Variants in PLXND1 observed in about 807,000 individuals in gnomAD.
The protein encoded by PLXND1 is plexin D1.
Under a neutral mutation model 197.7 loss-of-function variants are expected in PLXND1, and 54 were observed. The observed-to-expected ratio is 0.27, with a 90% CI of 0.22 to 0.34. The LOEUF is 0.34. Among genes scored for constraint, PLXND1 ranks in the 10% least tolerant of loss-of-function variants. PLXND1 has a pLI of 1.00. For missense variants in PLXND1, 2,127 were observed against 2,699.2 expected (o/e 0.79, Z 4.70); for synonymous variants, 1,180 against 1,161.2 (o/e 1.02, Z -0.33).
chr3:129,584,240 T>C lies in PLXND1; in HGVS notation c.2030-7A>G, dbSNP rs373336020. On this transcript the variant is annotated splice_region_variant and splice_polypyrimidine_tract_variant and intron_variant, in intron 6 of 35. Transcript: ENST00000324093. ...ATCTCAACAGTCACGTGGTCTGGAA[T>C]GGATGGGGGAGCCAGGGGAGGACAT... The C allele has an allele frequency of 5.0e-6, 8 of 1,599,752 alleles. No homozygotes were observed. The highest frequency in any genetic ancestry group is 6.8e-6 in the Non-Finnish European group (8 of 1,171,596).
At chr3:129,575,618 G>T in intron 10 of PLXND1, 56 bp from the exon 11 acceptor site, 1 of 1,351,040 alleles carries the variant, frequency 7.4e-7, no homozygotes, top group Non-Finnish European at 1.0e-6. Context: ...GGGCTCTGCT[G>T]GGGATGGGTG....
In PLXND1 at chr3:129,572,666, T is replaced by A. The variant is rs2085252218; in HGVS notation, c.3020A>T (p.His1007Leu). 1.2e-6 allele frequency: 2 copies of A among 1,605,504 alleles called. No individual in the cohort carries two copies. The highest frequency in any genetic ancestry group is 2.2e-5 in the East Asian group (1 of 44,810). Residue 1007 changes from histidine to leucine, a missense_variant, in exon 15 of 36, where the codon CAT (histidine) becomes CTT (leucine). This residue lies in a region of PLXND1 where 1,095 missense variants were observed against 1,259.8 expected (regional missense o/e 0.87). Transcript: ENST00000324093. ...CAGGACCTGGAGCTCGGAGCCTACA[T>A]GGAGGTCATTCCCATGGATGGTGAT... is the stretch of plus-strand genomic sequence containing the variant. ...TRITIHGNDL[H>L]VGSELQVLVN...
rs191698614 is a variant in PLXND1 at position 129,560,858 on chromosome 3, T to C, written c.4994-135A>G. Reference sequence around the variant, plus strand: ...AGAAACAGAAGCAGAGACAGAAAGATGGAGAGAGAAACAGAAACGGAGACA... The same window carrying C: ...AGAAACAGAAGCAGAGACAGAAAGACGGAGAGAGAAACAGAAACGGAGACA... On this transcript the variant is annotated intron_variant, in intron 29 of 35. Coordinates refer to ENST00000324093, the MANE Select transcript of PLXND1 (RefSeq NM_015103.3). 3.1e-4 allele frequency: 216 copies of C among 705,798 alleles called. 1 individual carries two copies. The highest frequency in any genetic ancestry group is 1.0e-3 in the South Asian group (66 of 65,766). 43.7% of individuals were successfully genotyped at this position (705,798 alleles called of 1,614,324 possible).
chr3:129,596,553 C>T (rs533940233), intron 1 of PLXND1, among the ~76,000 whole-genome samples: 7 of 152,178 alleles, frequency 4.6e-5, no homozygotes, highest in African/African-American at 9.7e-5. Context: ...TTCCCTCCCC[C>T]CAGCAGGAGG....
chr3:129,571,317 G>GCC lies in PLXND1; in HGVS notation c.3337-16_3337-15dup. 6.2e-7 allele frequency: 1 copy of GCC among 1,608,206 alleles called. No individual in the cohort carries two copies. Among genetic ancestry groups the GCC allele is most frequent in the Non-Finnish European group, 8.5e-7 (1 of 1,177,114 alleles). On this transcript the variant is annotated splice_polypyrimidine_tract_variant and intron_variant, in intron 17 of 35. Transcript: ENST00000324093. ...AACCTTGCAGAGCTGGTGCAGGAGA[G>GCC]CCAGGGGCCCAGGCCGGGATGCAGG...
intron 8 of PLXND1, among the ~76,000 whole-genome samples, chr3:129,582,537 G>A (rs1560074111): frequency 1.3e-5 from 2 of 152,296 alleles, no homozygotes; most frequent in African/African-American, 2.4e-5. Flanking sequence ...GCCCTGATAC[G>A]CGCCAGGTCT....
Position 129,586,246 on chromosome 3 carries a change from G to A in PLXND1, c.1647C>T (p.Cys549=), listed in dbSNP as rs760175099. 1.4e-5 allele frequency: 22 copies of A among 1,588,336 alleles called. No homozygotes were observed. The highest frequency in any genetic ancestry group is 1.6e-5 in the Non-Finnish European group (19 of 1,172,720). ...AGTCCCCACAGGTGGAGTGCACGTT[G>A]CAGGCGGCGACCTTCACCCTGGCCA... The part of the protein sequence containing the change: ...HQMARVKVAA[C]NVHSTCGDCV... Residue 549 remains cysteine (C), a synonymous_variant, in exon 4 of 36, where the codon TGC becomes TGT. Transcript: ENST00000324093.
intron 1 of PLXND1, 24 bp downstream of exon 1, chr3:129,605,305 G>GCCGCCGCCA (rs1351785066): frequency 1.6e-5 from 18 of 1,134,926 alleles, no homozygotes; most frequent in South Asian, 3.3e-5. Context: ...CGCCGCCGCC[G>GCCGCCGCCA]CCGCCGCCAC....
Position 129,555,511 on chromosome 3 carries a change from T to C in PLXND1, c.*801A>G, listed in dbSNP as rs2084961100. On this transcript the variant is annotated 3_prime_UTR_variant, in exon 36 of 36. Coordinates refer to ENST00000324093, the MANE Select transcript of PLXND1 (RefSeq NM_015103.3). ...CTGCGCAAGCGGCAGCTATTCACAGTTGGTGCATGATACGTTTTTTAATAT... is the reference window on the plus strand; with the variant it reads ...CTGCGCAAGCGGCAGCTATTCACAGCTGGTGCATGATACGTTTTTTAATAT... 1 of 676,166 alleles carries C rather than the reference T, an allele frequency of 1.5e-6. No individual in the cohort carries two copies. The highest frequency in any genetic ancestry group is 2.6e-6 in the Non-Finnish European group (1 of 378,450). The allele number at this position is 676,166 out of a possible 1,614,324, so 41.9% of individuals were successfully genotyped here. A position where few individuals can be genotyped will look rare whatever the true frequency, so the allele number is the denominator to read the frequency against.
In PLXND1 at chr3:129,571,509, C is replaced by T. The variant is rs376067894; in HGVS notation, c.3336G>A (p.Thr1112=). Residue 1112 remains threonine, a splice_region_variant and synonymous_variant, in exon 17 of 36, where the codon ACG becomes ACA. Coordinates refer to ENST00000324093, the MANE Select transcript of PLXND1 (RefSeq NM_015103.3). The part of the protein sequence containing the change: ...MAVHHIGREP[T]LCKVLNSTLI... ...CCCATCAGGCCCCCGAATGCCTCAC[C>T]GTGGGCTCCCGGCCAATGTGGTGGA... The T allele has an allele frequency of 4.7e-5, 76 of 1,613,058 alleles. No homozygotes were observed. Among genetic ancestry groups the T allele is most frequent in the African/African-American group, 1.2e-4 (9 of 74,912 alleles).
chr3:129,560,515 C>T (rs952988745), intron 30 of PLXND1, 81 bp from the exon 31 acceptor site: 1 of 1,058,264 alleles, frequency 9.4e-7, no homozygotes, highest in African/African-American at 1.6e-5. Context: ...TGCCATGCTT[C>T]TTAGCACACA....
chr3:129,586,286 T>A lies in PLXND1; in HGVS notation c.1621-14A>T, dbSNP rs905314854. The A allele has an allele frequency of 6.5e-7, 1 of 1,547,386 alleles. No individual in the cohort carries two copies. Among genetic ancestry groups the A allele is most frequent in the Non-Finnish European group, 8.7e-7 (1 of 1,149,302 alleles). On this transcript the variant is annotated splice_polypyrimidine_tract_variant and intron_variant, in intron 3 of 35. Coordinates refer to ENST00000324093, the MANE Select transcript of PLXND1 (RefSeq NM_015103.3). ...CACCCTGGCCATCTGGGGGCAGAGG[T>A]GGGGGCCCAGCTCAATGGGACTGCC... is the stretch of plus-strand genomic sequence containing the variant.
At chr3:129,561,000 A>T in intron 29 of PLXND1, 1 of 582,636 alleles carries the variant, frequency 1.7e-6, no homozygotes, top group South Asian at 1.5e-5. Context: ...ACAGCGAGCG[A>T]GACAGAGTGA....
intron 6 of PLXND1, 40 bp from the exon 7 acceptor site, chr3:129,584,273 G>A: frequency 6.3e-7 from 1 of 1,580,378 alleles, no homozygotes; most frequent in South Asian, 1.1e-5. Context: ...CATGGGGGCA[G>A]GGGATTGCCA....
In PLXND1 at chr3:129,555,681, C is replaced by G; in HGVS notation, c.*631G>C. 3.7e-6 allele frequency: 2 copies of G among 542,316 alleles called. No homozygotes were observed. Among genetic ancestry groups the G allele is most frequent in the South Asian group, 5.0e-5 (2 of 40,224 alleles). 33.6% of individuals were successfully genotyped at this position (542,316 alleles called of 1,614,324 possible). A position where few individuals can be genotyped will look rare whatever the true frequency, so the allele number is the denominator to read the frequency against. Reference sequence around the variant, plus strand: ...CAGCTCCTGTGCCCCCCATCCCTCCCCTCCACCCTCCCTGCTCCTGGAGAA... The same window carrying G: ...CAGCTCCTGTGCCCCCCATCCCTCCGCTCCACCCTCCCTGCTCCTGGAGAA... On this transcript the variant is annotated 3_prime_UTR_variant, in exon 36 of 36. Coordinates refer to ENST00000324093, the MANE Select transcript of PLXND1 (RefSeq NM_015103.3).
chr3:129,589,204 TGTAAACTGTAAA>T, intron 2 of PLXND1, 135 bp downstream of exon 2: 2 of 673,662 alleles, frequency 3.0e-6, no homozygotes, highest in Non-Finnish European at 5.0e-6. Context: ...CAAAATACTT[TGTAAACTGTAAA>T]GTGCTAGGCG....
intron 25 of PLXND1, 126 bp downstream of exon 25, chr3:129,565,214 C>A: frequency 1.3e-6 from 1 of 762,916 alleles, no homozygotes; most frequent in East Asian, 2.6e-5. Context: ...CTGTCTCATG[C>A]AACACTCCCT....
At chr3:129,568,643 G>A (rs527464648) in intron 20 of PLXND1, among the ~76,000 whole-genome samples, 2 of 152,248 alleles carry the variant, frequency 1.3e-5, no homozygotes, top group Non-Finnish European at 2.9e-5. Flanking sequence ...CCACCTCCCA[G>A]GCTCAGGTGA....
chr3:129,559,476 T>C (rs1449356720), intron 32 of PLXND1, 144 bp downstream of exon 32: 6 of 638,130 alleles, frequency 9.4e-6, no homozygotes, highest in Non-Finnish European at 1.4e-5. Flanking sequence ...AGAGGCTAAG[T>C]CACTCATCCG....
Sources: allele counts gnomAD v4.1 joint callset (sites outside exome capture counted in the v4.1 genomes callset), GRCh38; gene constraint gnomAD v4.1.1; regional missense constraint gnomAD v4.1.1; transcripts MANE v1.5; gene names NCBI Gene and HGNC (gene_info 2026-07-23, HGNC 2026-07-21).